The following KDM6A variants were observed in gnomAD, a reference collection of about 807,000 sequenced individuals.
KDM6A encodes the protein lysine demethylase 6A.
Under a neutral mutation model 117.6 loss-of-function variants are expected in KDM6A, and 11 were observed. The observed-to-expected ratio is 0.09, with a 90% CI of 0.06 to 0.15. The LOEUF (loss-of-function observed/expected upper bound fraction) is 0.15. Ranked by LOEUF, KDM6A falls within the 10% of genes least tolerant of loss-of-function variation. The probability of loss-of-function intolerance (pLI) is 1.00; values close to 1 mark genes in which losing one functional copy is unlikely to be tolerated. For synonymous variants in KDM6A, 384 were observed against 396.1 expected (o/e 0.97, Z 0.36); for missense variants, 799 against 1,077.3 (o/e 0.74, Z 3.62).
chrX:44,890,767 G>A (rs1485177326), intron 2 of KDM6A, among the ~76,000 whole-genome samples: 1 of 98,847 alleles, frequency 1.0e-5, no homozygotes, highest in African/African-American at 3.8e-5. Flanking sequence ...TGATTTTCCT[G>A]CCTCTGCCTC....
intron 24 of KDM6A, 100 bp downstream of exon 24, chrX:45,083,708 A>C (rs1382198602): frequency 4.0e-6 from 3 of 747,305 alleles, no homozygotes; most frequent in Non-Finnish European, 6.0e-6. Flanking sequence ...TAATGAATAA[A>C]ACTGAGAGTT....
chrX:45,069,686 G>C lies in KDM6A; in HGVS notation c.2187G>C (p.Gln729His), dbSNP rs201509621. 8.3e-7 allele frequency: 1 copy of C among 1,210,204 alleles called. No individual in the cohort carries two copies. Among genetic ancestry groups the C allele is most frequent in the Non-Finnish European group, 1.1e-6 (1 of 894,725 alleles). Residue 729 changes from glutamine (Q) to histidine (H), a missense_variant, in exon 18 of 30, where the codon CAG becomes CAC. This residue lies in a region of KDM6A where 301 missense variants were observed against 318.3 expected (regional missense o/e 0.95). Coordinates refer to ENST00000611820, the MANE Select transcript of KDM6A (RefSeq NM_001291415.2). ...QHLQAAGSGI[Q>H]NQNGHPTLPS... ...TCCAGGCAGCTGGCTCTGGTATTCA[G>C]AATCAGAACGGACATCCCACCCTGC... is the stretch of plus-strand genomic sequence containing the variant.
chrX:44,873,512 G>T lies in KDM6A; in HGVS notation c.-40G>T, dbSNP rs976180132. 4 of 1,209,081 alleles carry T rather than the reference G, an allele frequency of 3.3e-6. No individual in the cohort carries two copies. The highest frequency in any genetic ancestry group is 4.5e-6 in the Non-Finnish European group (4 of 894,572). On this transcript the variant is annotated 5_prime_UTR_variant, in exon 1 of 30. Coordinates refer to ENST00000611820, the MANE Select transcript of KDM6A (RefSeq NM_001291415.2). ...CGTCACTGCGGGCCCCGGTCCGAGG[G>T]GGGGTGTCGGCGTTGGAGTTGTGAA...
chrX:44,919,902 G>A lies in KDM6A; in HGVS notation c.226-41382G>A, dbSNP rs184280896. 9.8e-5 allele frequency among the ~76,000 whole-genome samples: 11 copies of A among 111,864 alleles called. No homozygotes were observed. The East Asian group carries it at 2.8e-3, about 29-fold the overall frequency. ...TGGGATTACAGGCGTGAGCCACCAC[G>A]CCTGGCCCAATTTGCCTTTTGATTT... On this transcript the variant is annotated intron_variant, in intron 2 of 29. Coordinates refer to ENST00000611820, the MANE Select transcript of KDM6A (RefSeq NM_001291415.2).
intron 3 of KDM6A, among the ~76,000 whole-genome samples, chrX:44,962,473 G>C (rs1221132844): frequency 9.0e-6 from 1 of 111,616 alleles, no homozygotes; most frequent in Admixed American, 9.6e-5. Flanking sequence ...TTAGTACTTA[G>C]CAAAATGGTT....
chrX:45,041,477 C>A (rs1488638563), intron 8 of KDM6A, among the ~76,000 whole-genome samples: 1 of 106,742 alleles, frequency 9.4e-6, no homozygotes, highest in East Asian at 3.1e-4. Flanking sequence ...CGGGCGGAGA[C>A]GCTCCTCACT....
chrX:44,942,136 G>A (rs2037364041), intron 2 of KDM6A, among the ~76,000 whole-genome samples: 1 of 109,158 alleles, frequency 9.2e-6, no homozygotes, highest in Non-Finnish European at 1.9e-5. Flanking sequence ...CTGGGTTCAA[G>A]CGATTCTCCT....
At chrX:45,027,067 C>T (rs761528042) in intron 6 of KDM6A, among the ~76,000 whole-genome samples, 2 of 109,654 alleles carry the variant, frequency 1.8e-5, no homozygotes, top group Non-Finnish European at 3.8e-5. Flanking sequence ...CCAGCACTTT[C>T]GGAGGCTGAG....
intron 8 of KDM6A, among the ~76,000 whole-genome samples, chrX:45,046,157 C>T (rs111760723): frequency 7.8e-4 from 87 of 111,104 alleles, no homozygotes; most frequent in African/African-American, 2.8e-3. Flanking sequence ...ACTGAATCTT[C>T]GGAAATCTAT....
chrX:45,109,984 A>G (rs2046704622), intron 28 of KDM6A, 95 bp from the exon 29 acceptor site: 1 of 869,395 alleles, frequency 1.2e-6, no homozygotes. Context: ...ATCACTGTCC[A>G]CAATTTCATT....
intron 28 of KDM6A, among the ~76,000 whole-genome samples, chrX:45,108,093 G>A (rs1350130612): frequency 9.0e-6 from 1 of 111,264 alleles, no homozygotes; most frequent in Non-Finnish European, 1.9e-5. Context: ...ACACTGAGGG[G>A]GAAAATGACC....
intron 17 of KDM6A, among the ~76,000 whole-genome samples, chrX:45,068,885 G>A (rs1259834170): frequency 1.0e-5 from 1 of 99,832 alleles, no homozygotes; most frequent in Non-Finnish European, 2.0e-5. Context: ...TTGTGGAGAC[G>A]GAGTCTCATT....
intron 4 of KDM6A, among the ~76,000 whole-genome samples, chrX:44,984,875 G>T (rs776569579): frequency 9.0e-6 from 1 of 111,554 alleles, no homozygotes; most frequent in African/African-American, 3.3e-5. Flanking sequence ...TTTTGGCTTA[G>T]GATTGACTTG....
intron 3 of KDM6A, among the ~76,000 whole-genome samples, chrX:44,973,992 T>C (rs1038269100): frequency 9.0e-6 from 1 of 111,463 alleles, no homozygotes; most frequent in Non-Finnish European, 1.9e-5. Flanking sequence ...TAGTAGTCAT[T>C]ATTTTTTCTT....
chrX:45,060,726 A>T lies in KDM6A; in HGVS notation c.1447A>T (p.Ser483Cys). ...TTCTAGCCAAGTAGATGACCTGTCC[A>T]GTCCTGCCAAGAGGAAAAGAACATC... Reference protein sequence around the residue: ...IPSSQVDDLSSPAKRKRTSSP... With the variant: ...IPSSQVDDLSCPAKRKRTSSP... Residue 483 changes from serine (S) to cysteine (C), a missense_variant, in exon 14 of 30, where the codon AGT becomes TGT. By Grantham distance (112) the Ser-to-Cys change is moderately radical (BLOSUM62 -1). Transcript: ENST00000611820. 2 of 1,065,232 alleles carry T rather than the reference A, an allele frequency of 1.9e-6. No individual in the cohort carries two copies. The highest frequency in any genetic ancestry group is 1.9e-5 in the African/African-American group (1 of 53,992). The allele number at this position is 1,065,232 out of a possible 1,213,427, so 87.8% of individuals were successfully genotyped here.
chrX:45,057,227 C>G (rs1403478918), intron 10 of KDM6A, among the ~76,000 whole-genome samples: 2 of 111,517 alleles, frequency 1.8e-5, no homozygotes. Flanking sequence ...TTAACATTTC[C>G]CATTTTAATG....
rs921519462 is a variant in KDM6A, at chrX:45,051,116, T to A, written c.655-593T>A. Among the ~76,000 whole-genome samples the A allele has an allele frequency of 3.6e-5, 4 of 111,490 alleles. No individual in the cohort carries two copies. The Admixed American group carries it at 3.8e-4, about 11-fold the overall frequency. ...CCTCCGCCTCCCGGTTTCAAGCGAT[T>A]CTCCTGCCTCAGCCTCCCGAGTAGC... On this transcript the variant is annotated intron_variant, in intron 8 of 29. Coordinates refer to ENST00000611820, the MANE Select transcript of KDM6A (RefSeq NM_001291415.2).
intron 2 of KDM6A, among the ~76,000 whole-genome samples, chrX:44,898,654 A>G (rs940191706): frequency 3.6e-5 from 4 of 111,326 alleles, no homozygotes; most frequent in Admixed American, 9.5e-5. Context: ...CACTGACACT[A>G]TCTTAAATGG....
At chrX:44,909,832 G>A (rs2034971012) in intron 2 of KDM6A, among the ~76,000 whole-genome samples, 1 of 111,358 alleles carries the variant, frequency 9.0e-6, no homozygotes, top group Admixed American at 9.6e-5. Context: ...GTATACTGAT[G>A]TCAAGTAGTG....
Sources: allele counts gnomAD v4.1 joint callset (sites outside exome capture counted in the v4.1 genomes callset), GRCh38; gene constraint gnomAD v4.1.1; regional missense constraint gnomAD v4.1.1; transcripts MANE v1.5; gene names NCBI Gene and HGNC (gene_info 2026-07-23, HGNC 2026-07-21).